The following ENOSF1 variants were observed in gnomAD, a reference collection of about 807,000 sequenced individuals.
ENOSF1 encodes the protein enolase superfamily member 1.
In ENOSF1, 73 loss-of-function variants were observed where a neutral mutation model predicts 68.2. The observed-to-expected ratio is 1.07, with a 90% CI of 0.89 to 1.30. ENOSF1 has a LOEUF of 1.30. Among genes scored for constraint, ENOSF1 ranks in the 50% most tolerant of loss-of-function variants. The pLI, the probability that ENOSF1 is intolerant of heterozygous loss-of-function variation, is 0.00. For synonymous variants in ENOSF1, 223 were observed against 210.4 expected (o/e 1.06, Z -0.52); for missense variants, 589 against 554.5 (o/e 1.06, Z -0.62).
At chr18:699,478 A>AAATAATAATAATAAT (rs147506890) in intron 2 of ENOSF1, among the ~76,000 whole-genome samples, 8 of 148,998 alleles carry the variant, frequency 5.4e-5, no homozygotes, top group African/African-American at 2.0e-4. Flanking sequence ...GCCCTGTCTC[A>AAATAATAATAATAAT]AATAATAATA....
downstream of ENOSF1, chr18:669,023 A>G (rs755944322): frequency 9.4e-6 from 14 of 1,492,774 alleles, no homozygotes; most frequent in African/African-American, 1.9e-4. Context: ...ATCTCATGAC[A>G]TGTGTGATTA....
chr18:691,320 G>A, intron 5 of ENOSF1, 44 bp from the exon 6 acceptor site: 9 of 1,496,266 alleles, frequency 6.0e-6, no homozygotes, highest in Non-Finnish European at 8.3e-6. Context: ...TCAATTATAA[G>A]GTGGGTTATA....
chr18:705,990 C>CA (rs2078886771), intron 2 of ENOSF1, among the ~76,000 whole-genome samples: 1 of 151,990 alleles, frequency 6.6e-6, no homozygotes, highest in Non-Finnish European at 1.5e-5. Flanking sequence ...GCCTGGGCGA[C>CA]AGAGTGAGAC....
downstream of ENOSF1, chr18:669,082 A>G (rs2074925194): frequency 6.2e-7 from 1 of 1,613,864 alleles, no homozygotes; most frequent in African/African-American, 1.3e-5. Context: ...ATTATTCAGG[A>G]CAGGGAGTTG....
At chr18:667,053 A>T (rs287600), downstream of ENOSF1, among the ~76,000 whole-genome samples, 89 of 25,406 alleles carry the variant, frequency 3.5e-3, 7 homozygotes, top group South Asian at 8.1e-3. Flanking sequence ...ATGGTGATGG[A>T]GATGGAGATG....
intron 2 of ENOSF1, among the ~76,000 whole-genome samples, chr18:701,056 A>G (rs564219708): frequency 2.6e-5 from 4 of 152,194 alleles, no homozygotes; most frequent in Admixed American, 2.0e-4. Context: ...TGGAGCCTCT[A>G]GCACTGGAAG....
Position 670,584 on chromosome 18 carries a change from G to C in ENOSF1, c.*3721C>G. 1 of 1,226,944 alleles carries C rather than the reference G, an allele frequency of 8.2e-7. No individual in the cohort carries two copies. 76.0% of individuals were successfully genotyped at this position (1,226,944 alleles called of 1,614,324 possible). A position where few individuals can be genotyped will look rare whatever the true frequency, so the allele number is the denominator to read the frequency against. The stretch of plus-strand genomic sequence containing the variant: ...CTGCAGCCCAGTGGCTCTCTCTCCT[G>C]GTCTCCACCATATGAGTTGGCTTCT... On this transcript the variant is annotated 3_prime_UTR_variant, in exon 16 of 16. Coordinates refer to ENST00000647584, the MANE Select transcript of ENOSF1 (RefSeq NM_017512.7).
At chr18:693,734 A>C in intron 5 of ENOSF1, 148 bp downstream of exon 5, 6 of 1,440,972 alleles carry the variant, frequency 4.2e-6, no homozygotes, top group Admixed American at 5.7e-5. Context: ...CAGAAAAGGA[A>C]TGTCATATTT....
chr18:708,080 T>C (rs2079131283), intron 1 of ENOSF1, among the ~76,000 whole-genome samples: 1 of 151,646 alleles, frequency 6.6e-6, no homozygotes, highest in South Asian at 2.1e-4. Context: ...AGGCTGGTCT[T>C]GAACTCCTGA....
At chr18:701,369 G>GC (rs1033358151) in intron 2 of ENOSF1, among the ~76,000 whole-genome samples, 8 of 152,000 alleles carry the variant, frequency 5.3e-5, no homozygotes, top group Non-Finnish European at 1.5e-5. Flanking sequence ...AGGAGGCTGT[G>GC]CCTGTGTGGG....
intron 9 of ENOSF1, 61 bp from the exon 10 acceptor site, chr18:686,069 G>C (rs915480932): frequency 1.7e-6 from 2 of 1,202,042 alleles, no homozygotes; most frequent in South Asian, 2.4e-5. Flanking sequence ...AGGGCATCTG[G>C]AGTTTCTGCA....
At chr18:705,647 C>T (rs757986995) in intron 2 of ENOSF1, among the ~76,000 whole-genome samples, 23 of 152,130 alleles carry the variant, frequency 1.5e-4, no homozygotes, top group Non-Finnish European at 3.4e-4. Flanking sequence ...GGGAGACCTC[C>T]GAGATTGGGC....
Position 670,706 on chromosome 18 carries a change from G to A in ENOSF1, c.*3599C>T, listed in dbSNP as rs2075003533. ...TGGTTCCTCAGATCTTCCTCTGATG[G>A]CGCTGCCTCCATGCCATGCCCTCTG... On this transcript the variant is annotated 3_prime_UTR_variant, in exon 16 of 16. Transcript: ENST00000647584. 1 of 1,613,890 alleles carries A rather than the reference G, an allele frequency of 6.2e-7. No homozygotes were observed. The highest frequency in any genetic ancestry group is 1.7e-5 in the Admixed American group (1 of 60,006).
intron 3 of ENOSF1, among the ~76,000 whole-genome samples, chr18:695,839 T>A (rs797005469): frequency 1.5e-4 from 23 of 152,336 alleles, no homozygotes; most frequent in African/African-American, 5.1e-4. Flanking sequence ...TGTCCCAGAT[T>A]CAGCCAATGG....
chr18:675,459 G>A, intron 14 of ENOSF1, 57 bp from the exon 15 acceptor site: 14 of 1,456,466 alleles, frequency 9.6e-6, no homozygotes, highest in Non-Finnish European at 1.2e-5. Context: ...TATTCACGTG[G>A]TGCTAACTTA....
In ENOSF1 at chr18:671,516, C is replaced by A; in HGVS notation, c.*2789G>T. 1 of 1,031,798 alleles carries A rather than the reference C, an allele frequency of 9.7e-7. No individual in the cohort carries two copies. Among genetic ancestry groups the A allele is most frequent in the Non-Finnish European group, 1.5e-6 (1 of 650,914 alleles). 63.9% of individuals were successfully genotyped at this position (1,031,798 alleles called of 1,614,324 possible). A position where few individuals can be genotyped will look rare whatever the true frequency, so the allele number is the denominator to read the frequency against. ...TCTTGATAAAAGGTTGACTGTGGAA[C>A]AGGCATCTGCTCAATGCTGTGTCCA... is the stretch of plus-strand genomic sequence containing the variant. On this transcript the variant is annotated 3_prime_UTR_variant, in exon 16 of 16. Coordinates refer to ENST00000647584, the MANE Select transcript of ENOSF1 (RefSeq NM_017512.7).
chr18:670,036 TAGAG>T (rs112444526), downstream of ENOSF1, among the ~76,000 whole-genome samples: 1 of 138,500 alleles, frequency 7.2e-6, no homozygotes, highest in Non-Finnish European at 1.5e-5. Context: ...GCATCTGTAA[TAGAG>T]ACTTATTTTT....
chr18:686,336 A>C, intron 9 of ENOSF1: 1 of 300,648 alleles, frequency 3.3e-6, no homozygotes, highest in South Asian at 4.8e-5. Flanking sequence ...GTGAGAACTG[A>C]AGAGGAGAGC....
At chr18:689,780 G>A (rs1324020395) in intron 8 of ENOSF1, among the ~76,000 whole-genome samples, 1 of 152,190 alleles carries the variant, frequency 6.6e-6, no homozygotes, top group African/African-American at 2.4e-5. Flanking sequence ...GTACGTGAAC[G>A]AGAGAGCCCT....
Sources: allele counts gnomAD v4.1 joint callset (sites outside exome capture counted in the v4.1 genomes callset), GRCh38; gene constraint gnomAD v4.1.1; transcripts MANE v1.5; gene names NCBI Gene and HGNC (gene_info 2026-07-23, HGNC 2026-07-21).